The following DEUP1 variants were observed in gnomAD, a reference collection of about 807,000 sequenced individuals.
The protein encoded by DEUP1 is coiled-coil domain containing 67.
DEUP1 carries 82 observed loss-of-function variants against 87.4 expected under a neutral mutation model. The ratio of observed to expected loss-of-function variants is 0.94; its 90% CI spans 0.78 to 1.13. DEUP1 has a LOEUF of 1.13. Ranked by LOEUF, DEUP1 falls within the 50% of genes most tolerant of loss-of-function variation. DEUP1 has a pLI of 0.00. For synonymous variants in DEUP1, 214 were observed against 222.7 expected (o/e 0.96, Z 0.35); for missense variants, 663 against 681.5 (o/e 0.97, Z 0.30).
chr11:93,360,502 G>A (rs571541341), intron 4 of DEUP1, among the ~76,000 whole-genome samples: 2 of 152,230 alleles, frequency 1.3e-5, no homozygotes, highest in South Asian at 4.1e-4. Flanking sequence ...AGAATTATCT[G>A]ATTTTAAAGC....
intron 2 of DEUP1, among the ~76,000 whole-genome samples, chr11:93,340,354 C>T (rs1042787839): frequency 2.0e-4 from 31 of 152,104 alleles, no homozygotes; most frequent in African/African-American, 6.8e-4. Context: ...ACATGATTGA[C>T]GTTTTCAAGG....
chr11:93,417,627 T>C (rs1315078977), intron 13 of DEUP1, among the ~76,000 whole-genome samples: 1 of 152,048 alleles, frequency 6.6e-6, no homozygotes, highest in Non-Finnish European at 1.5e-5. Context: ...ATAGATTCAG[T>C]GCCATCCCCA....
intron 5 of DEUP1, among the ~76,000 whole-genome samples, 157 bp from the exon 6 acceptor site, chr11:93,369,916 C>A (rs1945624735): frequency 2.3e-4 from 1 of 4,316 alleles, no homozygotes; most frequent in Non-Finnish European, 3.6e-4. Context: ...TGGGCGACGG[C>A]GAGACTCCGT....
intron 2 of DEUP1, among the ~76,000 whole-genome samples, chr11:93,341,665 T>C (rs1262733840): frequency 6.6e-6 from 1 of 152,168 alleles, no homozygotes; most frequent in Non-Finnish European, 1.5e-5. Context: ...TAGTCTGCAG[T>C]TGCGTATGAC....
chr11:93,416,719 A>G (rs1947645098), intron 13 of DEUP1, among the ~76,000 whole-genome samples: 1 of 151,816 alleles, frequency 6.6e-6, no homozygotes, highest in Non-Finnish European at 1.5e-5. Context: ...TGGCAGAGAC[A>G]CAACCAAATA....
chr11:93,353,505 G>T (rs1944735001), intron 2 of DEUP1, among the ~76,000 whole-genome samples: 1 of 152,206 alleles, frequency 6.6e-6, no homozygotes, highest in Non-Finnish European at 1.5e-5. Flanking sequence ...CCCCAGTAGG[G>T]ACTCTGTGTG....
rs566048421 is a variant in DEUP1 at position 93,358,729 on chromosome 11, C to T, written c.297+1686C>T. Among the ~76,000 whole-genome samples, 9 of 152,166 alleles carry T rather than the reference C, an allele frequency of 5.9e-5. No individual in the cohort carries two copies. The South Asian group carries it at 8.3e-4, about 14-fold the overall frequency. ...CTCCAAATAGCTGGGATTACAGGTG[C>T]GCACCGCCACACCCAGCTAATTTGT... On this transcript the variant is annotated intron_variant, in intron 4 of 13. Transcript: ENST00000298050.
intron 13 of DEUP1, among the ~76,000 whole-genome samples, chr11:93,418,514 T>C (rs1187988579): frequency 2.0e-5 from 3 of 151,910 alleles, no homozygotes; most frequent in Non-Finnish European, 4.4e-5. Context: ...ATGGCAATCA[T>C]TAAAAAGTCA....
At chr11:93,378,722 T>C (rs1946155348) in intron 7 of DEUP1, among the ~76,000 whole-genome samples, 1 of 152,162 alleles carries the variant, frequency 6.6e-6, no homozygotes, top group Non-Finnish European at 1.5e-5. Flanking sequence ...ATGGAAGATC[T>C]GGGGCTCAAG....
At chr11:93,376,792 A>G (rs1946062930) in intron 7 of DEUP1, among the ~76,000 whole-genome samples, 1 of 152,200 alleles carries the variant, frequency 6.6e-6, no homozygotes, top group Admixed American at 6.5e-5. Context: ...CTTTTGCTGT[A>G]TCCCAGAGGT....
rs76382603 is a variant in DEUP1, at chr11:93,408,306, C to T, written c.1402C>T (p.Arg468Ter). The change falls in exon 12 of 14, where the codon CGA (arginine) becomes TGA (stop). Residue 468 changes from arginine to a stop codon, truncating the protein, a stop_gained. Coordinates refer to ENST00000298050, the MANE Select transcript of DEUP1 (RefSeq NM_181645.4). LOFTEE classifies it high-confidence loss of function. ...NKLQYENERL[R>*]NDLAKLHVNG... ...ACTGCAATATGAGAATGAAAGGCTC[C>T]GAAATGATCTTGCAAAACTTCATGT... is the stretch of plus-strand genomic sequence containing the variant. 1,968 of 1,580,420 alleles carry T rather than the reference C, an allele frequency of 1.2e-3. 25 individuals are homozygous for T. The African/African-American group carries it at 0.023, about 18-fold the overall frequency.
intron 13 of DEUP1, among the ~76,000 whole-genome samples, chr11:93,415,612 A>G (rs1458785761): frequency 6.6e-6 from 1 of 151,710 alleles, no homozygotes; most frequent in Non-Finnish European, 1.5e-5. Context: ...CAGAAGCCCC[A>G]CTCATGTTCC....
intron 13 of DEUP1, among the ~76,000 whole-genome samples, chr11:93,417,896 T>A (rs1947703526): frequency 6.6e-6 from 1 of 152,016 alleles, no homozygotes; most frequent in Non-Finnish European, 1.5e-5. Context: ...AACTATCTGA[T>A]CTTTGACAAA....
chr11:93,418,141 A>C (rs1166383999), intron 13 of DEUP1, among the ~76,000 whole-genome samples: 1 of 152,146 alleles, frequency 6.6e-6, no homozygotes, highest in Non-Finnish European at 1.5e-5. Flanking sequence ...CATGTCTAAA[A>C]CACCAAAAGC....
intron 2 of DEUP1, 81 bp from the exon 3 acceptor site, chr11:93,355,290 C>G: frequency 8.6e-7 from 1 of 1,159,824 alleles, no homozygotes; most frequent in Non-Finnish European, 1.3e-6. Flanking sequence ...AATGTTCAAG[C>G]TATGCAGAGC....
chr11:93,339,898 C>T (rs1943972651), intron 2 of DEUP1, among the ~76,000 whole-genome samples: 2 of 152,194 alleles, frequency 1.3e-5, no homozygotes, highest in Admixed American at 1.3e-4. Context: ...TGAACTTCCA[C>T]CACTGTCTGG....
intron 2 of DEUP1, among the ~76,000 whole-genome samples, chr11:93,351,008 A>G (rs971909613): frequency 2.7e-5 from 4 of 148,206 alleles, no homozygotes; most frequent in Non-Finnish European, 6.0e-5. Flanking sequence ...TTATTTTCAT[A>G]TAAAAATGTA....
chr11:93,359,229 G>GT (rs1218536031), intron 4 of DEUP1, among the ~76,000 whole-genome samples: 1 of 152,032 alleles, frequency 6.6e-6, no homozygotes. Context: ...GAAATTTCTG[G>GT]TTTATTTACA....
At chr11:93,392,997 C>G (rs3133451) in intron 9 of DEUP1, among the ~76,000 whole-genome samples, 3 of 147,206 alleles carry the variant, frequency 2.0e-5, no homozygotes, top group Non-Finnish European at 3.0e-5. Context: ...TCCTCCTCCT[C>G]CTTCTTTCTC....
Sources: allele counts gnomAD v4.1 joint callset (sites outside exome capture counted in the v4.1 genomes callset), GRCh38; gene constraint gnomAD v4.1.1; transcripts MANE v1.5; gene names NCBI Gene and HGNC (gene_info 2026-07-23, HGNC 2026-07-21).